NRXN2: variants seen among roughly 807,000 people sequenced by gnomAD.
NRXN2 encodes neurexin 2, also known as neurexin-2-beta.
In NRXN2, 29 loss-of-function variants were observed where a neutral mutation model predicts 128.8. The ratio of observed to expected loss-of-function variants is 0.23; its 90% CI spans 0.17 to 0.31. The LOEUF is 0.31. Ranked by LOEUF, NRXN2 falls within the 10% of genes least tolerant of loss-of-function variation. The pLI, the probability that NRXN2 is intolerant of heterozygous loss-of-function variation, is 1.00. For synonymous variants in NRXN2, 1,098 were observed against 1,075.2 expected, an observed-to-expected ratio of 1.02 and a Z score of -0.41; for missense variants, 1,881 against 2,452.6, an observed-to-expected ratio of 0.77 and a Z score of 4.92.
rs543567406 is a variant in NRXN2, at chr11:64,673,525, A to G, written c.1197+3468T>C. Among the ~76,000 whole-genome samples, 183 of 152,338 alleles carry G rather than the reference A, an allele frequency of 1.2e-3. 2 individuals are homozygous for G. The highest frequency in any genetic ancestry group is 1.5e-4 in the Non-Finnish European group (10 of 68,026). ...GGCTGAAAGAGCTGATTCCTAGTACAGATTTATGAAGGTCTATGAGGCCAC... is the reference window on the plus strand; with the variant it reads ...GGCTGAAAGAGCTGATTCCTAGTACGGATTTATGAAGGTCTATGAGGCCAC... On this transcript the variant is annotated intron_variant, in intron 7 of 22. Transcript: ENST00000265459.
At chr11:64,655,350 G>A (rs1238544873) in intron 11 of NRXN2, among the ~76,000 whole-genome samples, 1 of 152,196 alleles carries the variant, frequency 6.6e-6, no homozygotes, top group Non-Finnish European at 1.5e-5. Flanking sequence ...TGAGAGGAAT[G>A]AGGTAGAGAG....
At chr11:64,717,305 T>C (rs567384900) in intron 1 of NRXN2, among the ~76,000 whole-genome samples, 1 of 152,292 alleles carries the variant, frequency 6.6e-6, no homozygotes, top group East Asian at 1.9e-4. Flanking sequence ...GGGGTACCTG[T>C]CTGCTCACTG....
At chr11:64,673,703 T>TG (rs1491447145) in intron 7 of NRXN2, among the ~76,000 whole-genome samples, 6 of 151,636 alleles carry the variant, frequency 4.0e-5, no homozygotes, top group Non-Finnish European at 7.4e-5. Flanking sequence ...TGTGTGTGTG[T>TG]TTGTTTTAGA....
At chr11:64,687,586 G>C (rs1467429843) in intron 5 of NRXN2, among the ~76,000 whole-genome samples, 1 of 152,196 alleles carries the variant, frequency 6.6e-6, no homozygotes, top group Non-Finnish European at 1.5e-5. Flanking sequence ...CCAGCGGGGA[G>C]GGCCAGAAAG....
In NRXN2 at chr11:64,648,475, CAG is replaced by C; in HGVS notation, c.3284-139_3284-138del. ...GGCTGAAAGGGCCAAGTACTGATGACAGGGATTGGGGCAGGAGGGTCAGGTCT... is the reference window on the plus strand; with the variant it reads ...GGCTGAAAGGGCCAAGTACTGATGACGGATTGGGGCAGGAGGGTCAGGTCT... On this transcript the variant is annotated intron_variant, in intron 16 of 22. Coordinates refer to ENST00000265459, the MANE Select transcript of NRXN2 (RefSeq NM_015080.4). This position sits in a 1 kb window ranked among gnomAD's most constrained non-coding sequence, Gnocchi z 4.1. The C allele has an allele frequency of 7.1e-7, 1 of 1,413,914 alleles. No homozygotes were observed. Among genetic ancestry groups the C allele is most frequent in the Non-Finnish European group, 9.8e-7 (1 of 1,018,434 alleles). The allele number at this position is 1,413,914 out of a possible 1,614,324, so 87.6% of individuals were successfully genotyped here.
Position 64,631,880 on chromosome 11 carries a change from C to T in NRXN2, c.3586-1307G>A, listed in dbSNP as rs532786575. Among the ~76,000 whole-genome samples, 17 of 152,332 alleles carry T rather than the reference C, an allele frequency of 1.1e-4. No individual in the cohort carries two copies. Among genetic ancestry groups the T allele is most frequent in the African/African-American group, 3.6e-4 (15 of 41,554 alleles). Reference sequence around the variant, plus strand: ...CACCTCCCAGCAGCACTCCTGAACGCGGTCTCAGCCCTCCTCCCACACGGA... The same window carrying T: ...CACCTCCCAGCAGCACTCCTGAACGTGGTCTCAGCCCTCCTCCCACACGGA... On this transcript the variant is annotated intron_variant, in intron 18 of 22. Transcript: ENST00000265459. The surrounding 1 kb of genome is among the most constrained non-coding windows in gnomAD (Gnocchi z 4.8).
At chr11:64,611,442 C>T (rs1264193773) in intron 22 of NRXN2, among the ~76,000 whole-genome samples, 1 of 152,198 alleles carries the variant, frequency 6.6e-6, no homozygotes, top group African/African-American at 2.4e-5. Context: ...TAGCTGGGGC[C>T]CCAGCAAAGT....
At chr11:64,697,484 GC>G (rs2054711304) in intron 3 of NRXN2, among the ~76,000 whole-genome samples, 2 of 152,088 alleles carry the variant, frequency 1.3e-5, no homozygotes, top group Non-Finnish European at 2.9e-5. Flanking sequence ...AATCCTGTCA[GC>G]CCCATCCCTC....
Position 64,635,427 on chromosome 11 carries a change from C to G in NRXN2, c.3429G>C (p.Lys1143Asn). 2 of 1,613,848 alleles carry G rather than the reference C, an allele frequency of 1.2e-6. No individual in the cohort carries two copies. The highest frequency in any genetic ancestry group is 1.7e-6 in the Non-Finnish European group (2 of 1,180,012). ...ACGTGTAGGTGATGAGCGCTCCCCCCTTCCCAAAGATGTATGTGGTCCCGG... is the reference window on the plus strand; with the variant it reads ...ACGTGTAGGTGATGAGCGCTCCCCCGTTCCCAAAGATGTATGTGGTCCCGG... Reference protein sequence around the residue: ...NDPGTTYIFGKGGALITYTWP... With the variant: ...NDPGTTYIFGNGGALITYTWP... Residue 1143 changes from lysine (K) to asparagine (N), a missense_variant, in exon 18 of 23, where the codon AAG becomes AAC. Physicochemically the swap from Lys to Asn is moderately conservative, Grantham distance 94 (BLOSUM62 0). Transcript: ENST00000265459. This position sits in a 1 kb window ranked among gnomAD's most constrained non-coding sequence, Gnocchi z 4.8.
intron 2 of NRXN2, among the ~76,000 whole-genome samples, chr11:64,704,598 TCACA>T (rs1200286244): frequency 8.0e-5 from 8 of 99,574 alleles, no homozygotes; most frequent in Admixed American, 2.2e-4. Flanking sequence ...ATTTCCAGGT[TCACA>T]CACACACACA....
chr11:64,684,553 G>A (rs1406720777), intron 6 of NRXN2, among the ~76,000 whole-genome samples: 2 of 152,096 alleles, frequency 1.3e-5, no homozygotes, highest in African/African-American at 4.8e-5. Flanking sequence ...GCATTAATGA[G>A]AGGTATCCCC....
intron 5 of NRXN2, chr11:64,688,574 G>A: frequency 2.0e-6 from 2 of 985,396 alleles, no homozygotes; most frequent in Non-Finnish European, 2.4e-6. Context: ...AGCACCAGGG[G>A]GCGCTCTCCC....
At chr11:64,711,966 A>G (rs1565475282) in intron 2 of NRXN2, among the ~76,000 whole-genome samples, 1 of 151,898 alleles carries the variant, frequency 6.6e-6, no homozygotes, top group Non-Finnish European at 1.5e-5. Flanking sequence ...CCCTTCTCAC[A>G]CTCAGCGTCC....
chr11:64,641,187 T>A (rs2045608016), intron 17 of NRXN2, among the ~76,000 whole-genome samples: 1 of 149,264 alleles, frequency 6.7e-6, no homozygotes, highest in Non-Finnish European at 1.5e-5. Flanking sequence ...GGAGAGGACA[T>A]GAATAGGAGG....
At chr11:64,682,065 T>C (rs1399532752) in intron 6 of NRXN2, among the ~76,000 whole-genome samples, 3 of 151,736 alleles carry the variant, frequency 2.0e-5, no homozygotes, top group Non-Finnish European at 4.4e-5. Context: ...GGGGCTACAC[T>C]CTTGCTGGAC....
rs1176388933 is a variant in NRXN2 at position 64,667,020 on chromosome 11, G to A, written c.1798+230C>T. Among the ~76,000 whole-genome samples the A allele has an allele frequency of 6.6e-6, 1 of 152,168 alleles. No homozygotes were observed. Among genetic ancestry groups the A allele is most frequent in the African/African-American group, 2.4e-5 (1 of 41,420 alleles). On this transcript the variant is annotated intron_variant, in intron 9 of 22. Coordinates refer to ENST00000265459, the MANE Select transcript of NRXN2 (RefSeq NM_015080.4). The surrounding 1 kb of genome is among the most constrained non-coding windows in gnomAD (Gnocchi z 5.6). ...CAGAGTCTCACATGCAGCAAGTAGG[G>A]GAGCTGAGGTGTAATCCAGGTCTGA...
Position 64,713,681 on chromosome 11 carries a change from A to G in NRXN2, c.19T>C (p.Trp7Arg), listed in dbSNP as rs977042363. ...AGCAGCGGCGGCGGTGTCGGCCGCC[A>G]CCGGCTCCCGGACGCCATGCCTACG... Reference protein sequence around the residue: MASGSRWRPTPPPLLLL... With the variant: MASGSRRRPTPPPLLLL... The change falls in exon 2 of 23, where the codon TGG (tryptophan) becomes CGG (arginine). Residue 7 changes from tryptophan to arginine, a missense_variant. Transcript: ENST00000265459. 6 of 1,142,342 alleles carry G rather than the reference A, an allele frequency of 5.3e-6. No individual in the cohort carries two copies. In the African/African-American group the frequency reaches 9.9e-5, roughly 19 times the overall value. The allele number at this position is 1,142,342 out of a possible 1,614,324, so 70.8% of individuals were successfully genotyped here.
At position 64,606,708 on chromosome 11, in the gene NRXN2, AAAG is replaced by A. The variant is rs2039695478; in HGVS notation, c.*485_*487del. 1.3e-5 allele frequency: 2 copies of A among 151,610 alleles called. No homozygotes were observed. The highest frequency in any genetic ancestry group is 4.9e-5 in the African/African-American group (2 of 41,122). The allele number at this position is 151,610 out of a possible 1,614,324, so 9.4% of individuals were successfully genotyped here. A position where few individuals can be genotyped will look rare whatever the true frequency, so the allele number is the denominator to read the frequency against. On this transcript the variant is annotated 3_prime_UTR_variant, in exon 23 of 23. Transcript: ENST00000265459. ...GAAGGGAGAAACCAGACACACAAAA[AAAG>A]AAGTAGGGAAGGAGGGTGGGGACAG...
chr11:64,630,360 C>T lies in NRXN2; in HGVS notation c.3757+42G>A, dbSNP rs754507358. 3.2e-6 allele frequency: 5 copies of T among 1,583,164 alleles called. 1 individual carries two copies. The highest frequency in any genetic ancestry group is 2.2e-5 in the South Asian group (2 of 89,864). On this transcript the variant is annotated intron_variant, in intron 19 of 22. Coordinates refer to ENST00000265459, the MANE Select transcript of NRXN2 (RefSeq NM_015080.4). The surrounding 1 kb of genome is among the most constrained non-coding windows in gnomAD (Gnocchi z 4.6). ...CGCACTCCTATCAGAGGCCGCCACC[C>T]GCCCCGCCACCGCGCCTCCTCCGCG... is the stretch of plus-strand genomic sequence containing the variant.
Sources: allele counts gnomAD v4.1 joint callset (sites outside exome capture counted in the v4.1 genomes callset), GRCh38; gene constraint gnomAD v4.1.1; non-coding constraint Gnocchi (gnomAD v3.1); transcripts MANE v1.5; gene names NCBI Gene and HGNC (gene_info 2026-07-23, HGNC 2026-07-21).